The following TENM3 variants were observed in gnomAD, a reference collection of about 807,000 sequenced individuals.
TENM3 encodes teneurin transmembrane protein 3, also known as teneurin-3.
A neutral mutation model predicts 255.1 loss-of-function variants in TENM3; 63 were observed. That is an observed-to-expected ratio of 0.25 (90% CI 0.20 to 0.30). The LOEUF is 0.30. TENM3 is among the 10% of genes least tolerant of loss of function. The pLI is 1.00. For missense variants in TENM3, 2,929 were observed against 3,461.1 expected, an observed-to-expected ratio of 0.85 and a Z score of 3.86; for synonymous variants, 1,306 against 1,322.3, an observed-to-expected ratio of 0.99 and a Z score of 0.27.
intron 3 of TENM3, among the ~76,000 whole-genome samples, chr4:182,399,405 T>C (rs1449638822): frequency 6.6e-6 from 1 of 152,208 alleles, no homozygotes; most frequent in Admixed American, 6.5e-5. Flanking sequence ...GAGCAGAAGC[T>C]GCTAGCAGTG....
the TENM3 span, among the ~76,000 whole-genome samples, chr4:181,908,913 G>A: frequency 4.6e-5 from 7 of 152,184 alleles, no homozygotes; most frequent in Admixed American, 3.9e-4. Context: ...AAGTGCAAGC[G>A]AGGTGTAGAG....
chr4:181,985,858 A>G, the TENM3 span, among the ~76,000 whole-genome samples: 21 of 152,194 alleles, frequency 1.4e-4, no homozygotes, highest in East Asian at 2.7e-3. Flanking sequence ...TACTTTTGTC[A>G]CGGCACTTCT....
chr4:182,680,109 T>A, intron 8 of TENM3, 139 bp from the exon 9 acceptor site: 1 of 752,356 alleles, frequency 1.3e-6, no homozygotes, highest in Admixed American at 2.3e-5. Flanking sequence ...TGAAACACTT[T>A]GAAAATCTGC....
At chr4:181,679,208 C>T in the TENM3 span, among the ~76,000 whole-genome samples, 17 of 152,222 alleles carry the variant, frequency 1.1e-4, no homozygotes, top group East Asian at 3.1e-3. Context: ...CCAATCCAGC[C>T]ATTCTGTACC....
intron 3 of TENM3, among the ~76,000 whole-genome samples, chr4:182,492,681 A>C (rs1302459821): frequency 2.0e-5 from 3 of 152,154 alleles, no homozygotes; most frequent in Non-Finnish European, 4.4e-5. Flanking sequence ...TCTGTGCCAA[A>C]TCTTCAGAGA....
chr4:182,026,908 T>TTATTCTCTTTGCTTAGGA, the TENM3 span, among the ~76,000 whole-genome samples: 1 of 152,194 alleles, frequency 6.6e-6, no homozygotes, highest in Non-Finnish European at 1.5e-5. Flanking sequence ...TCCTTCAGTT[T>TTATTCTCTTTGCTTAGGA]TATTCTCTTT....
At chr4:182,282,776 C>T (rs532495360) in intron 1 of TENM3, among the ~76,000 whole-genome samples, 2 of 151,766 alleles carry the variant, frequency 1.3e-5, no homozygotes, top group Admixed American at 6.6e-5. Flanking sequence ...GCCTGTAATC[C>T]CAGCTACTTG....
the TENM3 span, among the ~76,000 whole-genome samples, chr4:181,508,892 CTTTTTTTTTTTTTTT>C: frequency 2.4e-4 from 13 of 53,788 alleles, no homozygotes; most frequent in Non-Finnish European, 3.5e-4. Context: ...ATTTCCAACA[CTTTTTTTTTTTTTTT>C]TTTTTTTTTT....
chr4:181,722,809 A>G, the TENM3 span, among the ~76,000 whole-genome samples: 1 of 152,118 alleles, frequency 6.6e-6, no homozygotes, highest in Non-Finnish European at 1.5e-5. Flanking sequence ...CCTCAAAAGT[A>G]TGATTTTTAA....
At chr4:182,380,169 G>A (rs552772363) in intron 3 of TENM3, among the ~76,000 whole-genome samples, 4 of 152,302 alleles carry the variant, frequency 2.6e-5, no homozygotes, top group African/African-American at 9.6e-5. Context: ...TACTCTCGAG[G>A]CTGAGGCATG....
chr4:182,540,015 T>C (rs764485869), intron 3 of TENM3, among the ~76,000 whole-genome samples: 3 of 152,240 alleles, frequency 2.0e-5, no homozygotes, highest in Non-Finnish European at 2.9e-5. Flanking sequence ...GCACTCTTCC[T>C]AATACTCCTA....
the TENM3 span, among the ~76,000 whole-genome samples, chr4:182,003,474 A>T: frequency 3.3e-4 from 50 of 152,258 alleles, no homozygotes; most frequent in African/African-American, 1.2e-3. Context: ...ATTTTGACAA[A>T]ATACCTCATA....
chr4:182,102,320 T>C, the TENM3 span, among the ~76,000 whole-genome samples: 3 of 152,170 alleles, frequency 2.0e-5, no homozygotes, highest in African/African-American at 7.2e-5. Flanking sequence ...ATCAGACTAC[T>C]TGGTGTTGGG....
At chr4:182,582,331 C>T (rs1384549049) in intron 3 of TENM3, among the ~76,000 whole-genome samples, 1 of 152,180 alleles carries the variant, frequency 6.6e-6, no homozygotes, top group Non-Finnish European at 1.5e-5. Flanking sequence ...TGGGGTCATA[C>T]TCTGTGACCA....
intron 3 of TENM3, among the ~76,000 whole-genome samples, chr4:182,556,742 C>T (rs13435243): frequency 0.011 from 1,650 of 152,182 alleles, 26 homozygotes; most frequent in African/African-American, 0.038. Context: ...ACTGAAATGA[C>T]GATGACCCAC....
chr4:182,547,343 ATTGT>A (rs1741549232), intron 3 of TENM3, among the ~76,000 whole-genome samples: 2 of 152,170 alleles, frequency 1.3e-5, no homozygotes, highest in African/African-American at 4.8e-5. Flanking sequence ...TATTTGAGAA[ATTGT>A]TTATGTGCTG....
At chr4:182,468,418 C>T (rs576914106) in intron 3 of TENM3, among the ~76,000 whole-genome samples, 10 of 152,152 alleles carry the variant, frequency 6.6e-5, no homozygotes, top group Non-Finnish European at 1.5e-4. Context: ...GATCTGTGCT[C>T]AGCTACCAAC....
chr4:181,784,132 C>G, the TENM3 span, among the ~76,000 whole-genome samples: 2 of 150,260 alleles, frequency 1.3e-5, no homozygotes, highest in East Asian at 1.9e-4. Context: ...TTGTCTTATT[C>G]TTTACTCTAA....
intron 1 of TENM3, among the ~76,000 whole-genome samples, chr4:182,147,641 G>A (rs1750060378): frequency 6.6e-6 from 1 of 152,106 alleles, no homozygotes; most frequent in African/African-American, 2.4e-5. Context: ...TGTTTCGTTT[G>A]ATAGTCAGAT....
Sources: allele counts gnomAD v4.1 joint callset (sites outside exome capture counted in the v4.1 genomes callset), GRCh38; gene constraint gnomAD v4.1.1; transcripts MANE v1.5; gene names NCBI Gene and HGNC (gene_info 2026-07-23, HGNC 2026-07-21).